CNTN6: variants seen among roughly 807,000 people sequenced by gnomAD.
CNTN6 encodes the protein contactin 6, also known as contactin-6.
CNTN6 carries 137 observed loss-of-function variants against 122.8 expected under a neutral mutation model. The ratio of observed to expected loss-of-function variants is 1.12; its 90% CI spans 0.97 to 1.29. The LOEUF is 1.29. Ranked by LOEUF, CNTN6 falls within the 50% of genes most tolerant of loss-of-function variation. CNTN6 has a pLI of 0.00. For synonymous variants in CNTN6, 570 were observed against 426.0 expected, an observed-to-expected ratio of 1.34 and a Z score of -4.16; for missense variants, 1,634 against 1,223.4, an observed-to-expected ratio of 1.34 and a Z score of -5.01.
At chr3:1,236,249 G>A (rs1039279326) in intron 4 of CNTN6, among the ~76,000 whole-genome samples, 2 of 151,842 alleles carry the variant, frequency 1.3e-5, no homozygotes, top group Non-Finnish European at 2.9e-5. Flanking sequence ...ATGCACTCCC[G>A]AAGCGCCATC....
intron 11 of CNTN6, among the ~76,000 whole-genome samples, chr3:1,340,227 A>G (rs1233995583): frequency 2.0e-5 from 3 of 152,152 alleles, no homozygotes; most frequent in African/African-American, 7.2e-5. Context: ...TCTGGTGTCT[A>G]TATGTGGAAT....
At chr3:1,341,577 A>G (rs1016356687) in intron 11 of CNTN6, among the ~76,000 whole-genome samples, 4 of 152,188 alleles carry the variant, frequency 2.6e-5, no homozygotes, top group African/African-American at 7.2e-5. Context: ...TAATTACGCT[A>G]TTTAGCAACT....
In CNTN6 at chr3:1,103,071, A is replaced by G. The variant is rs9879836; in HGVS notation, c.-83+9951A>G. ...CAGTGAGCCAAGATGGCGCCACCGC[A>G]CTCCAGCCTGGGCGACAGAGCCAGA... On this transcript the variant is annotated intron_variant, in intron 1 of 22. Coordinates refer to ENST00000446702, the MANE Select transcript of CNTN6 (RefSeq NM_001289080.2). 2.0e-5 allele frequency among the ~76,000 whole-genome samples: 3 copies of G among 150,136 alleles called. No homozygotes were observed. In the East Asian group the frequency reaches 6.0e-4, roughly 30 times the overall value.
chr3:1,124,860 C>T (rs1167381670), intron 1 of CNTN6, among the ~76,000 whole-genome samples: 1 of 151,904 alleles, frequency 6.6e-6, no homozygotes, highest in African/African-American at 2.4e-5. Flanking sequence ...CCAGCATTGC[C>T]CATGCCATAG....
intron 12 of CNTN6, among the ~76,000 whole-genome samples, chr3:1,364,370 T>A (rs1707909466): frequency 6.6e-6 from 1 of 151,896 alleles, no homozygotes; most frequent in African/African-American, 2.4e-5. Context: ...GAGCCCCATG[T>A]TTGTACAGGA....
intron 17 of CNTN6, among the ~76,000 whole-genome samples, chr3:1,382,422 A>G (rs965238709): frequency 1.2e-4 from 19 of 152,222 alleles, no homozygotes; most frequent in Admixed American, 3.9e-4. Flanking sequence ...ATGAAGATGT[A>G]TGCCTAAAAA....
At chr3:1,396,006 G>A (rs549008816) in intron 20 of CNTN6, among the ~76,000 whole-genome samples, 8 of 152,034 alleles carry the variant, frequency 5.3e-5, no homozygotes, top group African/African-American at 1.9e-4. Context: ...TTCTCTCCCT[G>A]ACTGTCAAAT....
In CNTN6 at chr3:1,295,795, C is replaced by G. The variant is rs137989555; in HGVS notation, c.649C>G (p.Arg217Gly). The change falls in exon 6 of 23, where the codon CGC becomes GGC. Residue 217 changes from arginine to glycine, a missense_variant. Arg to Gly is a moderately radical substitution (Grantham distance 125). Transcript: ENST00000446702. ...VQGPPTPLVQ[R>G]TDGVMGEYEP... ...AGGTCCACCCACTCCATTAGTGCAG[C>G]GCACTGATGGTAAGATAATGAGTTA... is the stretch of plus-strand genomic sequence containing the variant. The G allele has an allele frequency of 1.4e-5, 23 of 1,610,640 alleles. No homozygotes were observed. Among genetic ancestry groups the G allele is most frequent in the Admixed American group, 5.0e-5 (3 of 59,970 alleles).
At chr3:1,149,763 A>G (rs991402826) in intron 2 of CNTN6, among the ~76,000 whole-genome samples, 1 of 152,158 alleles carries the variant, frequency 6.6e-6, no homozygotes, top group South Asian at 2.1e-4. Flanking sequence ...GTGAATAAGA[A>G]TTATATTCCT....
chr3:1,182,163 G>T (rs1234691691), intron 2 of CNTN6, among the ~76,000 whole-genome samples: 1 of 151,974 alleles, frequency 6.6e-6, no homozygotes, highest in Non-Finnish European at 1.5e-5. Context: ...TAAACATCTT[G>T]TTCAGGAATT....
In CNTN6 at chr3:1,325,949, G is replaced by C; in HGVS notation, c.1081G>C (p.Glu361Gln). The change falls in exon 9 of 23, where the codon GAG becomes CAG. Residue 361 changes from glutamate to glutamine, a missense_variant and splice_region_variant. Coordinates refer to ENST00000446702, the MANE Select transcript of CNTN6 (RefSeq NM_001289080.2). ...WLKNGERLNP[E>Q]ERIQIENGTL... is the part of the protein sequence containing the mutation. ...AAAAAATGGTGAACGACTCAACCCA[G>C]AGGTAAGCAACTATGTTGATATTAA... The C allele has an allele frequency of 6.2e-7, 1 of 1,608,874 alleles. No homozygotes were observed. Among genetic ancestry groups the C allele is most frequent in the South Asian group, 1.1e-5 (1 of 90,562 alleles).
Position 1,385,686 on chromosome 3 carries a change from A to G in CNTN6, c.2593A>G (p.Asn865Asp), listed in dbSNP as rs778642326. ...AGTCAGTGGAAATGTCACAACCAAA[A>G]ACATCACGGGGCTGAAAGCTAATAC... The part of the protein sequence containing the change: ...IRVSGNVTTK[N>D]ITGLKANTIY... The change falls in exon 20 of 23, where the codon AAC (asparagine) becomes GAC (aspartate). Residue 865 changes from asparagine to aspartate, a missense_variant. Physicochemically the swap from Asn to Asp is conservative, Grantham distance 23. Coordinates refer to ENST00000446702, the MANE Select transcript of CNTN6 (RefSeq NM_001289080.2). 3 of 1,614,102 alleles carry G rather than the reference A, an allele frequency of 1.9e-6. No individual in the cohort carries two copies. The highest frequency in any genetic ancestry group is 1.7e-5 in the Admixed American group (1 of 60,018).
chr3:1,299,547 A>T (rs1479725322), intron 7 of CNTN6, among the ~76,000 whole-genome samples: 1 of 152,206 alleles, frequency 6.6e-6, no homozygotes, highest in Non-Finnish European at 1.5e-5. Context: ...TTTATGATAC[A>T]ATATATATAA....
At chr3:1,347,064 T>C (rs1177239826) in intron 11 of CNTN6, among the ~76,000 whole-genome samples, 1 of 152,174 alleles carries the variant, frequency 6.6e-6, no homozygotes, top group African/African-American at 2.4e-5. Flanking sequence ...TATACGTTAT[T>C]GGCTTAGTTT....
intron 4 of CNTN6, among the ~76,000 whole-genome samples, chr3:1,273,561 G>C (rs1312129377): frequency 2.0e-5 from 3 of 152,160 alleles, no homozygotes; most frequent in East Asian, 1.9e-4. Context: ...AATAGACCTT[G>C]TTCAAAGCAT....
At chr3:1,305,766 C>G (rs1698259632) in intron 7 of CNTN6, among the ~76,000 whole-genome samples, 3 of 152,048 alleles carry the variant, frequency 2.0e-5, no homozygotes, top group Admixed American at 6.5e-5. Context: ...GTTCTGAAGC[C>G]TTCACACAGA....
chr3:1,155,734 G>A (rs2092947412), intron 2 of CNTN6, among the ~76,000 whole-genome samples: 3 of 152,100 alleles, frequency 2.0e-5, no homozygotes, highest in African/African-American at 7.2e-5. Flanking sequence ...ATCTCAAGAT[G>A]TATTTTTTTA....
intron 4 of CNTN6, among the ~76,000 whole-genome samples, chr3:1,243,739 A>C: frequency 6.6e-6 from 1 of 152,182 alleles, no homozygotes; most frequent in East Asian, 1.9e-4. Flanking sequence ...GGTGGGGAAG[A>C]GCTAGTCACA....
At chr3:1,119,560 C>T (rs537040396) in intron 1 of CNTN6, among the ~76,000 whole-genome samples, 1 of 151,862 alleles carries the variant, frequency 6.6e-6, no homozygotes, top group East Asian at 1.9e-4. Flanking sequence ...AGGCTAGTAA[C>T]AAAAGAATGA....
Sources: allele counts gnomAD v4.1 joint callset (sites outside exome capture counted in the v4.1 genomes callset), GRCh38; gene constraint gnomAD v4.1.1; transcripts MANE v1.5; gene names NCBI Gene and HGNC (gene_info 2026-07-23, HGNC 2026-07-21).